NUP98: variants seen among roughly 807,000 people sequenced by gnomAD.
NUP98 encodes the protein nuclear pore complex protein Nup98-Nup96.
In NUP98, 26 loss-of-function variants were observed where a neutral mutation model predicts 191.9. The ratio of observed to expected loss-of-function variants is 0.14; its 90% CI spans 0.10 to 0.19. The LOEUF (loss-of-function observed/expected upper bound fraction) is 0.19. Ranked by LOEUF, NUP98 falls within the 10% of genes least tolerant of loss-of-function variation. The probability of loss-of-function intolerance (pLI) is 1.00; values close to 1 mark genes in which losing one functional copy is unlikely to be tolerated. For synonymous variants in NUP98, 808 were observed against 778.4 expected, an observed-to-expected ratio of 1.04 and a Z score of -0.63; for missense variants, 1,941 against 2,178.8, an observed-to-expected ratio of 0.89 and a Z score of 2.17.
Position 3,699,079 on chromosome 11 carries a change from C to T in NUP98, c.4009+3G>A, listed in dbSNP as rs1483177343. ...GCAGAGAAGGACCATATGCCTTCCC[C>T]ACCTGACTGCTGGGCCAGAGAGCAG... On this transcript the variant is annotated splice_donor_region_variant and intron_variant, in intron 25 of 32. Transcript: ENST00000324932. 3 of 1,612,020 alleles carry T rather than the reference C, an allele frequency of 1.9e-6. No homozygotes were observed. Among genetic ancestry groups the T allele is most frequent in the East Asian group, 4.5e-5 (2 of 44,886 alleles).
At chr11:3,729,642 G>A (rs2079760706) in intron 14 of NUP98, among the ~76,000 whole-genome samples, 1 of 146,036 alleles carries the variant, frequency 6.8e-6, no homozygotes, top group South Asian at 2.2e-4. Flanking sequence ...CCTGAGCCCA[G>A]GGGTCGAAGG....
chr11:3,744,544 G>C lies in NUP98; in HGVS notation c.1373C>G (p.Ala458Gly), dbSNP rs951186463. Reference sequence around the variant, plus strand: ...CTGGGGGGCTCCAAAGCCCAAAGTGGCTGTCGTAGTATTAAATCCAGGGGC... The same window carrying C: ...CTGGGGGGCTCCAAAGCCCAAAGTGCCTGTCGTAGTATTAAATCCAGGGGC... The part of the protein sequence containing the change: ...FGAPGFNTTT[A>G]TLGFGAPQAP... The change falls in exon 12 of 33, where the codon GCC becomes GGC. Residue 458 changes from alanine (A) to glycine (G), a missense_variant. Around this residue, in one of 6 missense-constraint regions of NUP98, gnomAD observed 453 missense variants for 438.2 expected, o/e 1.03. Coordinates refer to ENST00000324932, the MANE Select transcript of NUP98 (RefSeq NM_016320.5). 13 of 1,613,574 alleles carry C rather than the reference G, an allele frequency of 8.1e-6. No individual in the cohort carries two copies. The highest frequency in any genetic ancestry group is 1.1e-5 in the Non-Finnish European group (13 of 1,179,780).
intron 14 of NUP98, among the ~76,000 whole-genome samples, chr11:3,725,741 AG>A (rs1427922471): frequency 1.3e-5 from 2 of 152,228 alleles, no homozygotes; most frequent in Non-Finnish European, 2.9e-5. Flanking sequence ...ATGACAAGAA[AG>A]TATTGAAGTA....
chr11:3,796,602 TA>T (rs1480382423), intron 1 of NUP98, among the ~76,000 whole-genome samples: 1 of 152,342 alleles, frequency 6.6e-6, no homozygotes, highest in East Asian at 1.9e-4. Flanking sequence ...TTTAGCTACC[TA>T]ATGTCCATGC....
Position 3,760,579 on chromosome 11 carries a change from G to C in NUP98, c.1134C>G (p.Thr378=). The C allele has an allele frequency of 6.2e-7, 1 of 1,613,802 alleles. No homozygotes were observed. Among genetic ancestry groups the C allele is most frequent in the Non-Finnish European group, 8.5e-7 (1 of 1,179,732 alleles). The change falls in exon 10 of 33, where the codon ACC becomes ACG. Residue 378 remains threonine, a synonymous_variant. Coordinates refer to ENST00000324932, the MANE Select transcript of NUP98 (RefSeq NM_016320.5). Reference sequence around the variant, plus strand: ...TGGTTGTACCAAATGAAGGTGCACTGGTTGTGCTGCTTCCAAATGTAGTAA... The same window carrying C: ...TGGTTGTACCAAATGAAGGTGCACTCGTTGTGCTGCTTCCAAATGTAGTAA... ...NKLTTFGSST[T]SAPSFGTTSG... is the part of the protein sequence containing the mutation.
rs539412609 is a variant in NUP98, at chr11:3,725,048, A to T, written c.1847+55T>A. 8.3e-5 allele frequency: 64 copies of T among 766,970 alleles called. No homozygotes were observed. In the African/African-American group the frequency reaches 1.0e-3, roughly 12 times the overall value. 47.5% of individuals were successfully genotyped at this position (766,970 alleles called of 1,614,324 possible). A position where few individuals can be genotyped will look rare whatever the true frequency, so the allele number is the denominator to read the frequency against. ...TTTCATAAATTCCTAAGAATGTCTT[A>T]AAAATGAGACTATAACTCTCTACTA... On this transcript the variant is annotated intron_variant, in intron 15 of 32. Transcript: ENST00000324932.
chr11:3,720,605 G>T (rs992730459), intron 17 of NUP98, 107 bp downstream of exon 17: 4 of 577,630 alleles, frequency 6.9e-6, no homozygotes, highest in Non-Finnish European at 1.2e-5. Context: ...GGCCAAGGTG[G>T]GCCCAAATGT....
At chr11:3,737,712 G>A (rs760994608) in intron 12 of NUP98, among the ~76,000 whole-genome samples, 12 of 152,118 alleles carry the variant, frequency 7.9e-5, no homozygotes, top group Non-Finnish European at 1.6e-4. Context: ...TAAAATCGAT[G>A]TATTCAATAA....
chr11:3,750,189 C>T (rs1394963345), intron 11 of NUP98, among the ~76,000 whole-genome samples: 3 of 152,032 alleles, frequency 2.0e-5, no homozygotes, highest in Non-Finnish European at 4.4e-5. Context: ...GAATGATCAC[C>T]GCTCACTGCA....
chr11:3,780,868 T>A (rs957004038), intron 2 of NUP98, among the ~76,000 whole-genome samples: 2 of 151,872 alleles, frequency 1.3e-5, no homozygotes, highest in African/African-American at 4.8e-5. Flanking sequence ...TTGCTTGAGG[T>A]CAGGAGTTTG....
chr11:3,684,631 A>AGAAGAAAGAGAAACTGCTT (rs2078082249), intron 29 of NUP98, among the ~76,000 whole-genome samples: 1 of 152,170 alleles, frequency 6.6e-6, no homozygotes, highest in African/African-American at 2.4e-5. Context: ...TTAAAGGGGA[A>AGAAGAAAGAGAAACTGCTT]GAAGAAAGAG....
intron 23 of NUP98, 150 bp from the exon 24 acceptor site, chr11:3,700,989 A>G: frequency 1.6e-6 from 1 of 639,626 alleles, no homozygotes; most frequent in Non-Finnish European, 2.7e-6. Flanking sequence ...TTCTTAAACT[A>G]TACTGAACTT....
At chr11:3,747,714 T>C (rs2080560216) in intron 11 of NUP98, among the ~76,000 whole-genome samples, 1 of 152,340 alleles carries the variant, frequency 6.6e-6, no homozygotes. Context: ...AGGCTTGAGT[T>C]TGAATCACCA....
In NUP98 at chr11:3,696,135, G is replaced by A. The variant is rs576571621; in HGVS notation, c.4010-529C>T. 7.9e-5 allele frequency among the ~76,000 whole-genome samples: 12 copies of A among 152,250 alleles called. No individual in the cohort carries two copies. In the East Asian group the frequency reaches 2.1e-3, roughly 27 times the overall value. The stretch of plus-strand genomic sequence containing the variant: ...GAACCCATGAGTTGGAGGTTGCAGT[G>A]AGCCAAGATCGCACCATTGCACTCC... On this transcript the variant is annotated intron_variant, in intron 25 of 32. Transcript: ENST00000324932.
In NUP98 at chr11:3,741,294, C is replaced by A. The variant is rs116479910; in HGVS notation, c.1408+3215G>T. ...AACAGGTGTTGTGGTTAAAAAAAAA[C>A]TTTCAGAGAACAAGAATGAATTCTT... is the stretch of plus-strand genomic sequence containing the variant. On this transcript the variant is annotated intron_variant, in intron 12 of 32. Coordinates refer to ENST00000324932, the MANE Select transcript of NUP98 (RefSeq NM_016320.5). Among the ~76,000 whole-genome samples, 570 of 151,024 alleles carry A rather than the reference C, an allele frequency of 3.8e-3. 1 individual carries two copies. The highest frequency in any genetic ancestry group is 0.013 in the African/African-American group (545 of 41,130).
chr11:3,715,305 C>G (rs935085166), intron 18 of NUP98, among the ~76,000 whole-genome samples: 30 of 152,180 alleles, frequency 2.0e-4, no homozygotes, highest in African/African-American at 7.0e-4. Context: ...CGCCACAACA[C>G]CCAGCTAATT....
chr11:3,774,995 T>C (rs1395553578), intron 5 of NUP98, among the ~76,000 whole-genome samples: 2 of 152,236 alleles, frequency 1.3e-5, no homozygotes. Flanking sequence ...TTAGGCTAAC[T>C]GCACCTCCAG....
chr11:3,761,754 G>A (rs1210827002), intron 9 of NUP98, among the ~76,000 whole-genome samples: 4 of 151,708 alleles, frequency 2.6e-5, no homozygotes, highest in African/African-American at 4.8e-5. Context: ...GCGAGACTCC[G>A]TCTCAAAAAA....
At chr11:3,678,460 C>T (rs765533792) in intron 31 of NUP98, among the ~76,000 whole-genome samples, 1 of 152,138 alleles carries the variant, frequency 6.6e-6, no homozygotes. Flanking sequence ...TAAGTAACTA[C>T]AATATGGTCT....
Sources: gnomAD v4.1 joint callset for allele counts (sites outside exome capture counted in the v4.1 genomes callset) on GRCh38, gnomAD v4.1.1 for gene constraint, gnomAD v4.1.1 regional missense constraint, MANE v1.5 for transcripts, NCBI Gene and HGNC (gene_info 2026-07-23, HGNC 2026-07-21) for gene names.